TIMP4: variants seen among roughly 807,000 people sequenced by gnomAD.
TIMP4 encodes TIMP metallopeptidase inhibitor 4.
In TIMP4, 28 loss-of-function variants were observed where a neutral mutation model predicts 27.3. The observed-to-expected ratio is 1.03, with a 90% CI of 0.76 to 1.41. TIMP4 has a LOEUF of 1.41. TIMP4 is among the 40% of genes most tolerant of loss of function. The probability of loss-of-function intolerance (pLI) is 0.00; values close to 1 mark genes in which losing one functional copy is unlikely to be tolerated. For missense variants in TIMP4, 307 were observed against 285.5 expected, an observed-to-expected ratio of 1.08 and a Z score of -0.54; for synonymous variants, 138 against 115.5, an observed-to-expected ratio of 1.20 and a Z score of -1.25.
intron 1 of TIMP4, among the ~76,000 whole-genome samples, 153 bp from the exon 2 acceptor site, chr3:12,157,635 A>G (rs1055630919): frequency 3.3e-5 from 5 of 151,868 alleles, no homozygotes; most frequent in African/African-American, 1.2e-4. Flanking sequence ...GAGAAGGGGG[A>G]CCTGGAAACA....
In TIMP4 at chr3:12,158,710, G is replaced by A. The variant is rs201048395; in HGVS notation, c.131C>T (p.Ser44Leu). The A allele has an allele frequency of 1.7e-4, 280 of 1,610,144 alleles. 1 individual carries two copies. Among genetic ancestry groups the A allele is most frequent in the Non-Finnish European group, 2.2e-4 (255 of 1,179,710 alleles). The change falls in exon 1 of 5, where the codon TCG becomes TTG. Residue 44 changes from serine (S) to leucine (L), a missense_variant. By Grantham distance (145) the Ser-to-Leu change is moderately radical (BLOSUM62 -2). Transcript: ENST00000287814. ...PAHPQQHICHSALVIRAKISS... is the reference protein window; with the variant it reads ...PAHPQQHICHLALVIRAKISS... ...GCGGACCTCGGACTCACCAAGTGCC[G>A]AGTGGCAGATGTGCTGCTGAGGGTG...
intron 3 of TIMP4, among the ~76,000 whole-genome samples, chr3:12,154,874 G>A (rs1406745363): frequency 6.6e-6 from 1 of 152,166 alleles, no homozygotes; most frequent in South Asian, 2.1e-4. Flanking sequence ...GCACAGTTGT[G>A]GTCCCACAGA....
intron 1 of TIMP4, among the ~76,000 whole-genome samples, chr3:12,157,977 T>C (rs1456203249): frequency 1.3e-5 from 2 of 152,246 alleles, no homozygotes; most frequent in Non-Finnish European, 2.9e-5. Flanking sequence ...CCAAAAACTG[T>C]TGATGATGTT....
Position 12,153,546 on chromosome 3 carries a change from CTGA to C in TIMP4, c.641_643del (p.Leu214del), listed in dbSNP as rs2125227018. ...CTGAACGATGTCAACAAACTCCTTC[CTGA>C]GAGGCAGGTGGCCCCGGTACCAGCT... On this transcript the variant is annotated inframe_deletion, in exon 5 of 5. Transcript: ENST00000287814. 1 of 1,613,996 alleles carries C rather than the reference CTGA, an allele frequency of 6.2e-7. No individual in the cohort carries two copies. Among genetic ancestry groups the C allele is most frequent in the East Asian group, 2.2e-5 (1 of 44,884 alleles).
chr3:12,153,505 C>A lies in TIMP4; in HGVS notation c.*10G>T, dbSNP rs374064867. On this transcript the variant is annotated 3_prime_UTR_variant, in exon 5 of 5. Coordinates refer to ENST00000287814, the MANE Select transcript of TIMP4 (RefSeq NM_003256.4). ...GACTCTTGAAGGGATGTGATGGTCA[C>A]TGGTCCCTACTAGGGCTGAACGATG... is the stretch of plus-strand genomic sequence containing the variant. 223 of 1,612,730 alleles carry A rather than the reference C, an allele frequency of 1.4e-4. No homozygotes were observed. The highest frequency in any genetic ancestry group is 3.3e-5 in the Admixed American group (2 of 60,004).
intron 1 of TIMP4, 29 bp downstream of exon 1, chr3:12,158,673 G>C (rs762199389): frequency 4.4e-5 from 71 of 1,608,130 alleles, no homozygotes; most frequent in Non-Finnish European, 5.5e-5. Context: ...ACCACCCCCT[G>C]CTGTGGACCT....
Position 12,156,859 on chromosome 3 carries a change from T to G in TIMP4, c.313A>C (p.Lys105Gln), listed in dbSNP as rs1348930954. The G allele has an allele frequency of 3.1e-6, 5 of 1,614,210 alleles. No individual in the cohort carries two copies. The highest frequency in any genetic ancestry group is 4.2e-6 in the Non-Finnish European group (5 of 1,180,038). The change falls in exon 3 of 5, where the codon AAA (lysine) becomes CAA (glutamine). Residue 105 changes from lysine to glutamine, a missense_variant. Transcript: ENST00000287814. ...TGCTTCTGGCTGTTGGCTTCTAGTTTCACACCACAGAGGGAAGAGTCAAAA... is the reference window on the plus strand; with the variant it reads ...TGCTTCTGGCTGTTGGCTTCTAGTTGCACACCACAGAGGGAAGAGTCAAAA... ...TPFDSSLCGV[K>Q]LEANSQKQYL...
intron 3 of TIMP4, among the ~76,000 whole-genome samples, chr3:12,156,038 T>C (rs530464985): frequency 1.3e-5 from 2 of 152,340 alleles, no homozygotes; most frequent in Admixed American, 6.5e-5. Flanking sequence ...TGAACTCTTT[T>C]AAGGACTGTG....
intron 2 of TIMP4, 111 bp from the exon 3 acceptor site, chr3:12,157,045 T>G (rs1317009514): frequency 1.7e-5 from 13 of 772,980 alleles, no homozygotes; most frequent in Admixed American, 2.7e-5. Flanking sequence ...AAAGTCTAGT[T>G]GAGGATTTTG....
intron 2 of TIMP4, 86 bp from the exon 3 acceptor site, chr3:12,157,020 C>A: frequency 2.1e-6 from 2 of 969,190 alleles, no homozygotes; most frequent in Non-Finnish European, 3.1e-6. Flanking sequence ...ACTTCTCAGC[C>A]TAAAAATGTA....
In TIMP4 at chr3:12,156,823, T is replaced by A; in HGVS notation, c.349A>T (p.Thr117Ser). Residue 117 changes from threonine (T) to serine (S), a missense_variant, in exon 3 of 5, where the codon ACT (threonine) becomes TCT (serine). By Grantham distance (58) the Thr-to-Ser change is moderately conservative. Coordinates refer to ENST00000287814, the MANE Select transcript of TIMP4 (RefSeq NM_003256.4). ...EANSQKQYLL[T>S]GQVLSDGKVF... ...AGTTGTTGGTCTTTTAACTTACCAG[T>A]CAAGAGATACTGCTTCTGGCTGTTG... The A allele has an allele frequency of 1.2e-6, 2 of 1,613,498 alleles. No individual in the cohort carries two copies. The highest frequency in any genetic ancestry group is 2.2e-5 in the South Asian group (2 of 91,052).
chr3:12,158,889 G>A lies in TIMP4; in HGVS notation c.-49C>T. ...CCTGTGAGGTCTGGGGGACTGGACG[G>A]CCCCAGCAGGGCTCCTTCCCAAGGC... On this transcript the variant is annotated 5_prime_UTR_variant, in exon 1 of 5. Coordinates refer to ENST00000287814, the MANE Select transcript of TIMP4 (RefSeq NM_003256.4). The A allele has an allele frequency of 6.8e-7, 1 of 1,476,606 alleles. No individual in the cohort carries two copies. Among genetic ancestry groups the A allele is most frequent in the Non-Finnish European group, 9.0e-7 (1 of 1,115,440 alleles). 91.5% of individuals were successfully genotyped at this position (1,476,606 alleles called of 1,614,324 possible).
chr3:12,153,399 C>A lies in TIMP4; in HGVS notation c.*116G>T. On this transcript the variant is annotated 3_prime_UTR_variant, in exon 5 of 5. Coordinates refer to ENST00000287814, the MANE Select transcript of TIMP4 (RefSeq NM_003256.4). Reference sequence around the variant, plus strand: ...GACAGTGGCCAGACTGTCCACTTGGCACTTCTTATTAGCTGGCAGCAAGAG... The same window carrying A: ...GACAGTGGCCAGACTGTCCACTTGGAACTTCTTATTAGCTGGCAGCAAGAG... 8.2e-7 allele frequency: 1 copy of A among 1,223,660 alleles called. No individual in the cohort carries two copies. Among genetic ancestry groups the A allele is most frequent in the Non-Finnish European group, 1.2e-6 (1 of 836,488 alleles). 75.8% of individuals were successfully genotyped at this position (1,223,660 alleles called of 1,614,324 possible).
Position 12,153,319 on chromosome 3 carries a change from G to T in TIMP4, c.*196C>A. 1.6e-6 allele frequency: 1 copy of T among 626,504 alleles called. No homozygotes were observed. The highest frequency in any genetic ancestry group is 2.8e-6 in the Non-Finnish European group (1 of 352,536). The allele number at this position is 626,504 out of a possible 1,614,324, so 38.8% of individuals were successfully genotyped here. A position where few individuals can be genotyped will look rare whatever the true frequency, so the allele number is the denominator to read the frequency against. Reference sequence around the variant, plus strand: ...AGGCTAGACTAATGGGGTTTGGGAGGCAGGGGCAACAGGCTGAGGGCAGGG... The same window carrying T: ...AGGCTAGACTAATGGGGTTTGGGAGTCAGGGGCAACAGGCTGAGGGCAGGG... On this transcript the variant is annotated 3_prime_UTR_variant, in exon 5 of 5. Transcript: ENST00000287814.
rs992568801 is a variant in TIMP4 at position 12,153,425 on chromosome 3, G to A, written c.*90C>T. 1.4e-6 allele frequency: 2 copies of A among 1,447,162 alleles called. No individual in the cohort carries two copies. Among genetic ancestry groups the A allele is most frequent in the Non-Finnish European group, 1.9e-6 (2 of 1,031,860 alleles). 89.6% of individuals were successfully genotyped at this position (1,447,162 alleles called of 1,614,324 possible). ...ACTTCTTATTAGCTGGCAGCAAGAG[G>A]TCAGGTGGTAATGGCCAAAGCTCTG... On this transcript the variant is annotated 3_prime_UTR_variant, in exon 5 of 5. Coordinates refer to ENST00000287814, the MANE Select transcript of TIMP4 (RefSeq NM_003256.4).
intron 1 of TIMP4, among the ~76,000 whole-genome samples, chr3:12,158,160 C>T (rs930859993): frequency 1.3e-5 from 2 of 152,060 alleles, no homozygotes; most frequent in African/African-American, 2.4e-5. Flanking sequence ...CCAAGGAGCC[C>T]GGGAGCCTGC....
chr3:12,157,085 T>A, intron 2 of TIMP4, 151 bp from the exon 3 acceptor site: 1 of 644,610 alleles, frequency 1.6e-6, no homozygotes, highest in Non-Finnish European at 2.7e-6. Flanking sequence ...TGGGTTATTT[T>A]CTCTCTTAAA....
chr3:12,155,067 G>A (rs1358811714), intron 3 of TIMP4, among the ~76,000 whole-genome samples: 8 of 20,866 alleles, frequency 3.8e-4, no homozygotes, highest in African/African-American at 9.2e-4. Context: ...TGGTATGGCC[G>A]TAGATTCCTT....
chr3:12,153,812 G>A, intron 4 of TIMP4, 100 bp from the exon 5 acceptor site: 1 of 1,283,262 alleles, frequency 7.8e-7, no homozygotes, highest in Non-Finnish European at 1.1e-6. Flanking sequence ...CATCTCAAAT[G>A]CCCCCTATCT....
Sources: gnomAD v4.1 joint callset for allele counts (sites outside exome capture counted in the v4.1 genomes callset) on GRCh38, gnomAD v4.1.1 for gene constraint, MANE v1.5 for transcripts, NCBI Gene and HGNC (gene_info 2026-07-23, HGNC 2026-07-21) for gene names.